Variants in FAM227B observed in about 807,000 individuals in gnomAD.
FAM227B encodes the protein protein FAM227B.
Under a neutral mutation model 73.8 loss-of-function variants are expected in FAM227B, and 88 were observed. That is an observed-to-expected ratio of 1.19 (90% CI 1.00 to 1.42). FAM227B has a LOEUF of 1.42. FAM227B is among the 40% of genes most tolerant of loss of function. The pLI, the probability that FAM227B is intolerant of heterozygous loss-of-function variation, is 0.00. For missense variants in FAM227B, 632 were observed against 590.9 expected, an observed-to-expected ratio of 1.07 and a Z score of -0.72; for synonymous variants, 210 against 190.5, an observed-to-expected ratio of 1.10 and a Z score of -0.84.
chr15:49,546,370 TA>T (rs1212036803), intron 9 of FAM227B, among the ~76,000 whole-genome samples: 3 of 152,260 alleles, frequency 2.0e-5, no homozygotes, highest in African/African-American at 4.8e-5. Context: ...GTTGGACATT[TA>T]CGTTGGTTCC....
At position 49,327,987 on chromosome 15, in the gene FAM227B, C is replaced by T; in HGVS notation, c.*581G>A. On this transcript the variant is annotated 3_prime_UTR_variant, in exon 16 of 16. Transcript: ENST00000299338. The stretch of plus-strand genomic sequence containing the variant: ...GCTCAAGGGTCACGACTTACTGGAG[C>T]AGGATGGGGAGGCTGCACAGTATCA... 1 of 1,613,612 alleles carries T rather than the reference C, an allele frequency of 6.2e-7. No individual in the cohort carries two copies. Among genetic ancestry groups the T allele is most frequent in the South Asian group, 1.1e-5 (1 of 91,036 alleles).
intron 10 of FAM227B, among the ~76,000 whole-genome samples, chr15:49,515,585 C>T (rs28502078): frequency 0.33 from 49,548 of 151,656 alleles, 8,806 homozygotes; most frequent in African/African-American, 0.46. Flanking sequence ...GTAGTTTTAA[C>T]GCCTGAAAAT....
At chr15:49,420,338 G>A (rs902466903) in intron 11 of FAM227B, among the ~76,000 whole-genome samples, 3 of 151,898 alleles carry the variant, frequency 2.0e-5, no homozygotes, top group African/African-American at 7.3e-5. Context: ...ATACCCTGTA[G>A]CTATAACAAA....
chr15:49,505,708 T>C (rs997340045), intron 11 of FAM227B, among the ~76,000 whole-genome samples: 1 of 151,910 alleles, frequency 6.6e-6, no homozygotes, highest in Non-Finnish European at 1.5e-5. Flanking sequence ...AAATATTCAA[T>C]TAACCAAAAG....
chr15:49,522,347 A>G (rs1370368125), intron 10 of FAM227B, among the ~76,000 whole-genome samples: 1 of 152,212 alleles, frequency 6.6e-6, no homozygotes, highest in Non-Finnish European at 1.5e-5. Context: ...TAGCTTCTTC[A>G]GTTGAGAAGG....
At chr15:49,493,888 A>ATATATATATGTGTG (rs146161182) in intron 11 of FAM227B, among the ~76,000 whole-genome samples, 47 of 148,918 alleles carry the variant, frequency 3.2e-4, no homozygotes, top group African/African-American at 1.1e-3. Context: ...ATATATATAT[A>ATATATATATGTGTG]TGTGTGTGTG....
intron 2 of FAM227B, among the ~76,000 whole-genome samples, chr15:49,612,282 C>T (rs545182150): frequency 2.7e-4 from 41 of 152,210 alleles, no homozygotes; most frequent in African/African-American, 9.6e-4. Context: ...GTGATGTTCC[C>T]CTTCCTGTGT....
intron 11 of FAM227B, among the ~76,000 whole-genome samples, chr15:49,472,896 T>C (rs754402763): frequency 7.0e-6 from 1 of 143,556 alleles, no homozygotes; most frequent in Non-Finnish European, 1.6e-5. Context: ...GAAAGGAGTA[T>C]CTAATTTTTT....
chr15:49,396,653 A>T (rs1006805254), intron 11 of FAM227B, among the ~76,000 whole-genome samples: 3 of 151,900 alleles, frequency 2.0e-5, no homozygotes, highest in Admixed American at 1.3e-4. Context: ...GAGATCTGAG[A>T]ACGGGCAGAC....
intron 11 of FAM227B, among the ~76,000 whole-genome samples, chr15:49,391,109 C>A (rs1404308713): frequency 6.6e-6 from 1 of 151,934 alleles, no homozygotes; most frequent in African/African-American, 2.4e-5. Context: ...AAATTATGTC[C>A]TTTATTTTAG....
intron 11 of FAM227B, chr15:49,425,380 T>C (rs1404943113): frequency 1.3e-5 from 2 of 152,052 alleles, no homozygotes; most frequent in Non-Finnish European, 2.9e-5. Flanking sequence ...GTGTTTTGCA[T>C]TTAATGGTTA....
intron 13 of FAM227B, among the ~76,000 whole-genome samples, chr15:49,348,019 C>CAAAAAAA (rs67614443): frequency 2.9e-5 from 2 of 70,100 alleles, no homozygotes; most frequent in African/African-American, 1.1e-4. Context: ...AACTCTGTCT[C>CAAAAAAA]AAAAAAAAAA....
chr15:49,340,398 G>A (rs1434573253), intron 13 of FAM227B, among the ~76,000 whole-genome samples: 2 of 80,314 alleles, frequency 2.5e-5, no homozygotes, highest in Non-Finnish European at 5.2e-5. Context: ...GTGAGGCAGT[G>A]CCCCGCCCCC....
Position 49,425,857 on chromosome 15 carries a change from TAGA to T in FAM227B, c.1013-54461_1013-54459del, listed in dbSNP as rs1461412680. On this transcript the variant is annotated intron_variant, in intron 11 of 15. Coordinates refer to ENST00000299338, the MANE Select transcript of FAM227B (RefSeq NM_152647.3). ...ATTAATAAAGGTATCATGTTAGTTCTAGAAGATCATTCTTATTATACTAAAGTT... is the reference window on the plus strand; with the variant it reads ...ATTAATAAAGGTATCATGTTAGTTCTAGATCATTCTTATTATACTAAAGTT... Among the ~76,000 whole-genome samples the T allele has an allele frequency of 2.6e-5, 4 of 151,912 alleles. No homozygotes were observed. The East Asian group carries it at 7.7e-4, about 29-fold the overall frequency.
At chr15:49,576,674 T>A in intron 7 of FAM227B, 67 bp downstream of exon 7, 1 of 914,546 alleles carries the variant, frequency 1.1e-6, no homozygotes, top group Non-Finnish European at 1.7e-6. Context: ...TAGCTTTAAG[T>A]AAAGGTCTGA....
At chr15:49,616,312 C>T (rs1165135377) in intron 1 of FAM227B, among the ~76,000 whole-genome samples, 1 of 152,156 alleles carries the variant, frequency 6.6e-6, no homozygotes, top group Non-Finnish European at 1.5e-5. Flanking sequence ...ACTCTCTCTC[C>T]ATATACACAC....
chr15:49,360,231 T>C (rs1223384020), intron 13 of FAM227B, among the ~76,000 whole-genome samples: 4 of 106,122 alleles, frequency 3.8e-5, no homozygotes, highest in Non-Finnish European at 4.0e-5. Flanking sequence ...CTAAAACTTA[T>C]AGTATAAGGA....
At chr15:49,510,014 A>T (rs1237196684) in intron 10 of FAM227B, among the ~76,000 whole-genome samples, 2 of 152,062 alleles carry the variant, frequency 1.3e-5, no homozygotes, top group East Asian at 3.8e-4. Flanking sequence ...CATCCCCAAG[A>T]CCATATCTTG....
At chr15:49,362,066 G>A (rs2044335994) in intron 13 of FAM227B, among the ~76,000 whole-genome samples, 1 of 152,106 alleles carries the variant, frequency 6.6e-6, no homozygotes. Context: ...GTTCATTCAT[G>A]TCTTTTGCCC....
Sources: gnomAD v4.1 joint callset for allele counts (sites outside exome capture counted in the v4.1 genomes callset) on GRCh38, gnomAD v4.1.1 for gene constraint, MANE v1.5 for transcripts, NCBI Gene and HGNC (gene_info 2026-07-23, HGNC 2026-07-21) for gene names.